The following NT5DC1 variants were observed in gnomAD, a reference collection of about 807,000 sequenced individuals.
NT5DC1 encodes the protein 5'-nucleotidase domain-containing protein 1.
NT5DC1 carries 42 observed loss-of-function variants against 59.4 expected under a neutral mutation model. That is an observed-to-expected ratio of 0.71 (90% CI 0.55 to 0.92). The LOEUF is 0.92. NT5DC1 is among the 40% of genes least tolerant of loss of function. The pLI, the probability that NT5DC1 is intolerant of heterozygous loss-of-function variation, is 0.00. For missense variants in NT5DC1, 501 were observed against 537.1 expected, an observed-to-expected ratio of 0.93 and a Z score of 0.66; for synonymous variants, 172 against 188.1, an observed-to-expected ratio of 0.91 and a Z score of 0.70.
At chr6:116,232,411 T>A (rs1204814) in intron 8 of NT5DC1, among the ~76,000 whole-genome samples, 64,502 of 151,684 alleles carry the variant, frequency 0.43, 17,674 homozygotes, top group African/African-American at 0.78. Context: ...AGGAAAAGAA[T>A]ATACTCATAT....
In NT5DC1 at chr6:116,238,987, T is replaced by A. The variant is rs763703657; in HGVS notation, c.1116T>A (p.Ser372=). 1.2e-6 allele frequency: 2 copies of A among 1,607,566 alleles called. No individual in the cohort carries two copies. Among genetic ancestry groups the A allele is most frequent in the Admixed American group, 3.3e-5 (2 of 59,902 alleles). The change falls in exon 11 of 12, where the codon TCT becomes TCA. Residue 372 remains serine (S), a synonymous_variant. Coordinates refer to ENST00000319550, the MANE Select transcript of NT5DC1 (RefSeq NM_152729.3). The part of the protein sequence containing the change: ...GPKAKPLNTS[S]KKWGSFFIDS... ...AAGCAAAACCTTTAAATACTTCATC[T>A]AAAAAATGGGGCTCTTTTTTTATTG... is the stretch of plus-strand genomic sequence containing the variant.
chr6:116,167,627 T>C (rs1652755758), intron 6 of NT5DC1, among the ~76,000 whole-genome samples: 1 of 152,208 alleles, frequency 6.6e-6, no homozygotes, highest in Admixed American at 6.5e-5. Flanking sequence ...TTTACTTCCT[T>C]CTTTTCTTAC....
At chr6:116,233,024 T>G (rs1351546370) in intron 8 of NT5DC1, among the ~76,000 whole-genome samples, 1 of 152,208 alleles carries the variant, frequency 6.6e-6, no homozygotes, top group African/African-American at 2.4e-5. Flanking sequence ...TCCTATGAGT[T>G]TTCTCCTTTG....
At chr6:116,187,497 G>C (rs944920857) in intron 6 of NT5DC1, among the ~76,000 whole-genome samples, 9 of 152,042 alleles carry the variant, frequency 5.9e-5, no homozygotes, top group Non-Finnish European at 8.8e-5. Context: ...AATTTGGTCA[G>C]AGTGCTTTTG....
intron 6 of NT5DC1, among the ~76,000 whole-genome samples, chr6:116,129,145 A>G (rs1177418796): frequency 2.0e-5 from 3 of 152,140 alleles, no homozygotes; most frequent in Non-Finnish European, 2.9e-5. Flanking sequence ...AAACAATGTC[A>G]TCATCGTATT....
chr6:116,170,262 G>A (rs1432803406), intron 6 of NT5DC1, among the ~76,000 whole-genome samples: 5 of 152,102 alleles, frequency 3.3e-5, no homozygotes, highest in Admixed American at 1.3e-4. Flanking sequence ...CAGTGATTGG[G>A]GGGTGTGACC....
intron 6 of NT5DC1, among the ~76,000 whole-genome samples, chr6:116,148,876 A>T (rs1779963347): frequency 6.6e-6 from 1 of 152,152 alleles, no homozygotes; most frequent in Admixed American, 6.5e-5. Flanking sequence ...AGCCAAAGAA[A>T]CGTTTTTAAA....
At chr6:116,190,966 G>T (rs1781103881) in intron 6 of NT5DC1, among the ~76,000 whole-genome samples, 1 of 151,944 alleles carries the variant, frequency 6.6e-6, no homozygotes, top group African/African-American at 2.4e-5. Context: ...AAAGACTTGA[G>T]AAATTAACTC....
chr6:116,162,055 G>A (rs1371873932), intron 6 of NT5DC1, among the ~76,000 whole-genome samples: 1 of 152,044 alleles, frequency 6.6e-6, no homozygotes, highest in African/African-American at 2.4e-5. Context: ...ATGAGATTGA[G>A]TTTTTTATTT....
chr6:116,103,842 C>T (rs567452043), intron 1 of NT5DC1, among the ~76,000 whole-genome samples: 2 of 152,052 alleles, frequency 1.3e-5, no homozygotes, highest in Non-Finnish European at 2.9e-5. Context: ...AGTCAGTTAA[C>T]GTAGATGTGT....
intron 6 of NT5DC1, among the ~76,000 whole-genome samples, chr6:116,161,297 T>A (rs1780324580): frequency 6.6e-6 from 1 of 151,746 alleles, no homozygotes; most frequent in Non-Finnish European, 1.5e-5. Context: ...CATATGTAAC[T>A]AACCTGCACA....
intron 8 of NT5DC1, 63 bp from the exon 9 acceptor site, chr6:116,236,903 G>C: frequency 2.0e-6 from 2 of 992,028 alleles, no homozygotes. Context: ...CCTAAGTGTG[G>C]TCTGCCCAAC....
intron 6 of NT5DC1, among the ~76,000 whole-genome samples, chr6:116,142,492 T>C (rs1000361868): frequency 6.6e-6 from 1 of 152,182 alleles, no homozygotes; most frequent in Non-Finnish European, 1.5e-5. Context: ...AATGAATTTA[T>C]AAACTTACTT....
chr6:116,104,250 C>T (rs976515744), intron 1 of NT5DC1, among the ~76,000 whole-genome samples: 1 of 152,202 alleles, frequency 6.6e-6, no homozygotes, highest in Non-Finnish European at 1.5e-5. Context: ...TTTTCCTTGT[C>T]CATTGGCCCC....
rs148303776 is a variant in NT5DC1, at chr6:116,167,848, G to C, written c.529+49903G>C. 4.1e-3 allele frequency among the ~76,000 whole-genome samples: 627 copies of C among 152,190 alleles called. 5 individuals are homozygous for C. Among genetic ancestry groups the C allele is most frequent in the African/African-American group, 0.014 (573 of 41,536 alleles). Reference sequence around the variant, plus strand: ...ATTAGAGCTAAACAATCATATCTGTGTATTGGATGTTGATTTTCTGAAAAT... The same window carrying C: ...ATTAGAGCTAAACAATCATATCTGTCTATTGGATGTTGATTTTCTGAAAAT... On this transcript the variant is annotated intron_variant, in intron 6 of 11. Transcript: ENST00000319550.
chr6:116,168,061 C>T (rs867375885), intron 6 of NT5DC1, among the ~76,000 whole-genome samples: 1 of 140,092 alleles, frequency 7.1e-6, no homozygotes, highest in East Asian at 2.0e-4. Context: ...TTTTCATCTT[C>T]GATTTATGAT....
chr6:116,128,190 C>T (rs1779372869), intron 6 of NT5DC1, among the ~76,000 whole-genome samples: 1 of 152,032 alleles, frequency 6.6e-6, no homozygotes, highest in East Asian at 1.9e-4. Flanking sequence ...ATGTGGTGTC[C>T]TTATTGAATA....
intron 6 of NT5DC1, among the ~76,000 whole-genome samples, chr6:116,163,230 T>C (rs1338428620): frequency 2.0e-5 from 3 of 148,746 alleles, no homozygotes; most frequent in African/African-American, 7.4e-5. Flanking sequence ...CCCCTGGTCC[T>C]GGGTTTTTTT....
intron 6 of NT5DC1, chr6:116,121,505 A>AGACCCCTCTCACCTGGAC (rs760913730): frequency 1.2e-6 from 2 of 1,614,092 alleles, no homozygotes; most frequent in South Asian, 2.2e-5. Flanking sequence ...AGGGCCTGGA[A>AGACCCCTCTCACCTGGAC]GACCCCTCTC....
Sources: gnomAD v4.1 joint callset for allele counts (sites outside exome capture counted in the v4.1 genomes callset) on GRCh38, gnomAD v4.1.1 for gene constraint, MANE v1.5 for transcripts, NCBI Gene and HGNC (gene_info 2026-07-23, HGNC 2026-07-21) for gene names.